MITF: variants seen among roughly 807,000 people sequenced by gnomAD.
MITF encodes the protein melanocyte inducing transcription factor, also known as microphthalmia-associated transcription factor.
Under a neutral mutation model 60.5 loss-of-function variants are expected in MITF, and 17 were observed. The observed-to-expected ratio is 0.28, with a 90% CI of 0.19 to 0.42. The LOEUF is 0.42. MITF is among the 10% of genes least tolerant of loss of function. The pLI is 1.00. For synonymous variants in MITF, 260 were observed against 248.5 expected, an observed-to-expected ratio of 1.05 and a Z score of -0.43; for missense variants, 622 against 683.5, an observed-to-expected ratio of 0.91 and a Z score of 1.00.
intron 2 of MITF, among the ~76,000 whole-genome samples, chr3:69,892,630 G>A (rs2064784746): frequency 6.6e-6 from 1 of 152,174 alleles, no homozygotes; most frequent in African/African-American, 2.4e-5. Context: ...TTCAGGAACT[G>A]TGTTTTAGCT....
intron 1 of MITF, among the ~76,000 whole-genome samples, chr3:69,792,624 T>A (rs2062758501): frequency 6.6e-6 from 1 of 152,144 alleles, no homozygotes; most frequent in African/African-American, 2.4e-5. Flanking sequence ...AGAAATTTGT[T>A]TTTCTAATTT....
At chr3:69,809,166 G>A (rs1329105075) in intron 1 of MITF, among the ~76,000 whole-genome samples, 2 of 152,122 alleles carry the variant, frequency 1.3e-5, no homozygotes, top group Non-Finnish European at 2.9e-5. Context: ...TTACAGTTTT[G>A]TTGTGTCTGG....
At chr3:69,917,376 C>CTTTTT (rs3044646) in intron 2 of MITF, among the ~76,000 whole-genome samples, 8 of 113,290 alleles carry the variant, frequency 7.1e-5, no homozygotes, top group African/African-American at 2.4e-4. Context: ...CAGTTGCCTC[C>CTTTTT]TTTTTTTTTT....
intron 1 of MITF, among the ~76,000 whole-genome samples, chr3:69,857,098 T>C (rs952027685): frequency 1.3e-5 from 2 of 152,134 alleles, no homozygotes; most frequent in Non-Finnish European, 2.9e-5. Context: ...AAGAATGAAG[T>C]AGTGACCTAA....
At chr3:69,847,398 G>C (rs1239232542) in intron 1 of MITF, among the ~76,000 whole-genome samples, 1 of 152,174 alleles carries the variant, frequency 6.6e-6, no homozygotes, top group Non-Finnish European at 1.5e-5. Context: ...AGATTGAAAA[G>C]GCTGAAAAGT....
At position 69,793,165 on chromosome 3, in the gene MITF, C is replaced by A. The variant is rs1206996829; in HGVS notation, c.104+53464C>A. Among the ~76,000 whole-genome samples the A allele has an allele frequency of 3.3e-5, 5 of 151,074 alleles. No individual in the cohort carries two copies. In the East Asian group the frequency reaches 9.7e-4, roughly 29 times the overall value. ...AGTAGCTGGAACTATAGGCGCTTGC[C>A]ACCACACCTGGCTAATTTTTTTGTA... is the stretch of plus-strand genomic sequence containing the variant. On this transcript the variant is annotated intron_variant, in intron 1 of 9. Coordinates refer to ENST00000352241, the MANE Select transcript of MITF (RefSeq NM_001354604.2).
chr3:69,944,364 A>G (rs1236282700), intron 5 of MITF, among the ~76,000 whole-genome samples: 1 of 152,040 alleles, frequency 6.6e-6, no homozygotes, highest in African/African-American at 2.4e-5. Context: ...GAGAAGGACA[A>G]TTCAGGAGCA....
intron 2 of MITF, among the ~76,000 whole-genome samples, chr3:69,916,595 A>G (rs1259781566): frequency 6.6e-6 from 1 of 152,204 alleles, no homozygotes; most frequent in Admixed American, 6.5e-5. Context: ...TTAAGCAAAT[A>G]TTTACTAAAA....
chr3:69,770,426 G>C (rs116064373), intron 1 of MITF, among the ~76,000 whole-genome samples: 3 of 152,098 alleles, frequency 2.0e-5, no homozygotes, highest in Non-Finnish European at 4.4e-5. Context: ...GGTTGACCTG[G>C]TTTTCCAAGT....
intron 2 of MITF, among the ~76,000 whole-genome samples, chr3:69,913,857 C>T (rs1263995499): frequency 6.6e-6 from 1 of 152,156 alleles, no homozygotes; most frequent in Non-Finnish European, 1.5e-5. Context: ...AACAGGCTTT[C>T]AGAAATGCAG....
chr3:69,934,160 G>C (rs1255449284), intron 2 of MITF, among the ~76,000 whole-genome samples: 3 of 152,128 alleles, frequency 2.0e-5, no homozygotes, highest in African/African-American at 7.2e-5. Context: ...AGTGTGATCA[G>C]AGGGCCCTGG....
intron 2 of MITF, among the ~76,000 whole-genome samples, chr3:69,909,464 G>A (rs976819224): frequency 6.6e-6 from 1 of 152,222 alleles, no homozygotes; most frequent in African/African-American, 2.4e-5. Context: ...CTTTGGAATT[G>A]TGTAACAGGC....
chr3:69,900,983 G>A (rs939467860), intron 2 of MITF, among the ~76,000 whole-genome samples: 11 of 151,856 alleles, frequency 7.2e-5, no homozygotes, highest in Non-Finnish European at 8.8e-5. Flanking sequence ...TCCCAGAAAC[G>A]GTGTTTTCAA....
At position 69,801,452 on chromosome 3, in the gene MITF, T is replaced by G. The variant is rs17638097; in HGVS notation, c.104+61751T>G. Among the ~76,000 whole-genome samples, 44 of 152,298 alleles carry G rather than the reference T, an allele frequency of 2.9e-4. 1 individual carries two copies. The South Asian group carries it at 8.9e-3, about 31-fold the overall frequency. On this transcript the variant is annotated intron_variant, in intron 1 of 9. Transcript: ENST00000352241. The stretch of plus-strand genomic sequence containing the variant: ...TATATCCAGGGTCACCATCATCACC[T>G]AGAAATGCGTAATGAATACTTTATT...
intron 5 of MITF, among the ~76,000 whole-genome samples, chr3:69,945,971 C>G (rs1372918288): frequency 6.6e-6 from 1 of 152,170 alleles, no homozygotes; most frequent in Non-Finnish European, 1.5e-5. Flanking sequence ...TGACAATGTA[C>G]TTAGTAATTA....
intron 1 of MITF, among the ~76,000 whole-genome samples, chr3:69,875,654 A>G (rs13314417): frequency 0.026 from 4,015 of 152,342 alleles, 168 homozygotes; most frequent in African/African-American, 0.089. Context: ...TCGTTTTAAA[A>G]AATAAGCATT....
At chr3:69,944,791 G>A (rs2066054201) in intron 5 of MITF, among the ~76,000 whole-genome samples, 2 of 152,106 alleles carry the variant, frequency 1.3e-5, no homozygotes, top group African/African-American at 2.4e-5. Flanking sequence ...GTTGGGCCCT[G>A]ATAAGCTCTC....
chr3:69,848,730 G>C (rs960391988), intron 1 of MITF, among the ~76,000 whole-genome samples: 1 of 151,980 alleles, frequency 6.6e-6, no homozygotes, highest in Non-Finnish European at 1.5e-5. Context: ...CATCTGCTTC[G>C]CTCGTGATCT....
At position 69,866,384 on chromosome 3, in the gene MITF, A is replaced by G. The variant is rs374774719; in HGVS notation, c.105-12750A>G. ...TTATTCTGGAAATAATCCCGGGACC[A>G]CTTAAGAGGAGCAGTTTTTTTTCTC... On this transcript the variant is annotated intron_variant, in intron 1 of 9. Transcript: ENST00000352241. The G allele has an allele frequency of 2.4e-5, 38 of 1,609,948 alleles. No individual in the cohort carries two copies. In the East Asian group the frequency reaches 6.5e-4, roughly 27 times the overall value.
Sources: allele counts gnomAD v4.1 joint callset (sites outside exome capture counted in the v4.1 genomes callset), GRCh38; gene constraint gnomAD v4.1.1; transcripts MANE v1.5; gene names NCBI Gene and HGNC (gene_info 2026-07-23, HGNC 2026-07-21).